Variants in DDX60L observed in about 807,000 individuals in gnomAD.
DDX60L encodes probable ATP-dependent RNA helicase DDX60-like.
Under a neutral mutation model 211.6 loss-of-function variants are expected in DDX60L, and 191 were observed. The observed-to-expected ratio is 0.90, with a 90% CI of 0.80 to 1.02. DDX60L has a LOEUF of 1.02. Ranked by LOEUF, DDX60L falls within the 50% of genes least tolerant of loss-of-function variation. DDX60L has a pLI of 0.00. For missense variants in DDX60L, 2,007 were observed against 1,984.1 expected (o/e 1.01, Z -0.22); for synonymous variants, 706 against 694.1 (o/e 1.02, Z -0.27).
intron 25 of DDX60L, among the ~76,000 whole-genome samples, chr4:168,403,404 T>A (rs1328961365): frequency 6.6e-6 from 1 of 152,232 alleles, no homozygotes; most frequent in South Asian, 2.1e-4. Flanking sequence ...TAAAATAATT[T>A]AAAATTCTCT....
chr4:168,388,120 T>A (rs942841319), intron 29 of DDX60L, among the ~76,000 whole-genome samples: 1 of 152,210 alleles, frequency 6.6e-6, no homozygotes, highest in African/African-American at 2.4e-5. Flanking sequence ...CTATTTGAGA[T>A]ACAAATTCCT....
chr4:168,431,434 T>C (rs1445404112), intron 12 of DDX60L, among the ~76,000 whole-genome samples: 1 of 152,092 alleles, frequency 6.6e-6, no homozygotes, highest in Non-Finnish European at 1.5e-5. Flanking sequence ...AGCTTATTCC[T>C]ATATGCAATT....
chr4:168,455,448 C>A (rs1756421579), intron 7 of DDX60L, among the ~76,000 whole-genome samples: 1 of 152,100 alleles, frequency 6.6e-6, no homozygotes, highest in South Asian at 2.1e-4. Flanking sequence ...CAGAACTGTT[C>A]TTTTAAATAC....
rs777026996 is a variant in DDX60L, at chr4:168,472,768, T to C, written c.-69A>G. ...ATTTATTAAATATGGCTGATTTATT[T>C]TGACACCTCTAAAATGGCTACATTT... is the stretch of plus-strand genomic sequence containing the variant. On this transcript the variant is annotated 5_prime_UTR_variant, in exon 2 of 38. Transcript: ENST00000682922. 2.6e-6 allele frequency: 4 copies of C among 1,556,906 alleles called. No individual in the cohort carries two copies. Among genetic ancestry groups the C allele is most frequent in the South Asian group, 1.1e-5 (1 of 87,024 alleles).
chr4:168,369,741 T>C (rs1325994456), intron 36 of DDX60L, among the ~76,000 whole-genome samples: 1 of 152,034 alleles, frequency 6.6e-6, no homozygotes, highest in African/African-American at 2.4e-5. Flanking sequence ...AAAAAATCTA[T>C]TTAAAAATGG....
intron 22 of DDX60L, among the ~76,000 whole-genome samples, chr4:168,411,669 A>G (rs1748695200): frequency 6.6e-6 from 1 of 152,126 alleles, no homozygotes; most frequent in Admixed American, 6.5e-5. Context: ...CCTAGGCCAC[A>G]AGGACTACAA....
chr4:168,358,101 A>C lies in DDX60L; in HGVS notation c.*46T>G, dbSNP rs1272306988. On this transcript the variant is annotated 3_prime_UTR_variant, in exon 38 of 38. Coordinates refer to ENST00000682922, the MANE Select transcript of DDX60L (RefSeq NM_001012967.3). ...TAAGCTTAATTATATCTCTCCTTGC[A>C]AAGGGATAAATACCACATAATCAGA... The C allele has an allele frequency of 3.9e-6, 6 of 1,545,738 alleles. No homozygotes were observed. In the South Asian group the frequency reaches 7.0e-5, roughly 18 times the overall value.
chr4:168,426,501 G>C (rs1490212566), intron 14 of DDX60L, among the ~76,000 whole-genome samples: 12 of 152,208 alleles, frequency 7.9e-5, no homozygotes, highest in Non-Finnish European at 1.6e-4. Context: ...CTTTGCCCTG[G>C]AGGGAAATGT....
At chr4:168,388,821 A>G (rs1305359795) in intron 29 of DDX60L, among the ~76,000 whole-genome samples, 1 of 152,192 alleles carries the variant, frequency 6.6e-6, no homozygotes, top group Admixed American at 6.5e-5. Context: ...GGGGCAGGGC[A>G]ACAGGCTGGT....
Position 168,408,629 on chromosome 4 carries a change from T to C in DDX60L, c.2980-1923A>G, listed in dbSNP as rs145666908. 4.5e-4 allele frequency among the ~76,000 whole-genome samples: 68 copies of C among 152,018 alleles called. 1 individual carries two copies. The East Asian group carries it at 0.013, about 28-fold the overall frequency. On this transcript the variant is annotated intron_variant, in intron 22 of 37. Transcript: ENST00000682922. The stretch of plus-strand genomic sequence containing the variant: ...GCTCCTTTTGAAAAAAAAATTAAAA[T>C]GAACAAAAAATAAGTAAAAAAGTTA...
At chr4:168,376,533 C>A (rs1741971876) in intron 33 of DDX60L, among the ~76,000 whole-genome samples, 2 of 152,194 alleles carry the variant, frequency 1.3e-5, no homozygotes, top group African/African-American at 2.4e-5. Context: ...CTACCAACTC[C>A]TTACAGTGGA....
chr4:168,431,665 C>A (rs1331224364), intron 12 of DDX60L, among the ~76,000 whole-genome samples: 1 of 151,672 alleles, frequency 6.6e-6, no homozygotes, highest in Admixed American at 6.6e-5. Flanking sequence ...AACTAACCTG[C>A]ACATTGTGCA....
At chr4:168,466,903 A>C (rs1758063668) in intron 4 of DDX60L, among the ~76,000 whole-genome samples, 1 of 152,164 alleles carries the variant, frequency 6.6e-6, no homozygotes, top group Non-Finnish European at 1.5e-5. Context: ...AATTCACAAA[A>C]TGAGAGTGTA....
intron 22 of DDX60L, among the ~76,000 whole-genome samples, chr4:168,407,013 T>G (rs1173880750): frequency 6.6e-6 from 1 of 152,202 alleles, no homozygotes; most frequent in Non-Finnish European, 1.5e-5. Flanking sequence ...AGAATGCCAG[T>G]GAGGGTACTG....
At position 168,404,070 on chromosome 4, in the gene DDX60L, A is replaced by G. The variant is rs771233460; in HGVS notation, c.3250T>C (p.Leu1084=). ...TTCACCATATCTTTTGAACTAGACAATGAATCCGGACTAAGGTTCTTCAGT... is the reference window on the plus strand; with the variant it reads ...TTCACCATATCTTTTGAACTAGACAGTGAATCCGGACTAAGGTTCTTCAGT... The part of the protein sequence containing the change: ...RVLKNLSPDS[L]SSSKDMVKMF... The change falls in exon 25 of 38, where the codon TTG becomes CTG. Residue 1084 remains leucine, a synonymous_variant. Transcript: ENST00000682922. 2.8e-5 allele frequency: 40 copies of G among 1,441,570 alleles called. No homozygotes were observed. Among genetic ancestry groups the G allele is most frequent in the African/African-American group, 1.4e-5 (1 of 69,376 alleles). The allele number at this position is 1,441,570 out of a possible 1,614,324, so 89.3% of individuals were successfully genotyped here.
chr4:168,406,732 G>T (rs1252679615), intron 22 of DDX60L, 26 bp from the exon 23 acceptor site: 1 of 1,403,962 alleles, frequency 7.1e-7, no homozygotes, highest in Non-Finnish European at 9.8e-7. Flanking sequence ...TTAATGGATG[G>T]ATGAAGAAAT....
At chr4:168,390,262 A>G (rs1210608066) in intron 29 of DDX60L, 2 of 1,083,284 alleles carry the variant, frequency 1.8e-6, no homozygotes, top group Non-Finnish European at 2.2e-6. Flanking sequence ...AGGAGACCAT[A>G]ATTCTGAAGG....
intron 4 of DDX60L, among the ~76,000 whole-genome samples, chr4:168,467,103 T>C (rs1006773578): frequency 2.0e-5 from 3 of 152,108 alleles, no homozygotes; most frequent in African/African-American, 7.2e-5. Flanking sequence ...AATCTGAAAA[T>C]GAATGAAAAA....
chr4:168,376,278 A>G (rs978516399), intron 33 of DDX60L, among the ~76,000 whole-genome samples: 2 of 152,172 alleles, frequency 1.3e-5, no homozygotes, highest in Admixed American at 1.3e-4. Context: ...GAGGTATTTT[A>G]TAAGGGTAAA....
Sources: allele counts gnomAD v4.1 joint callset (sites outside exome capture counted in the v4.1 genomes callset), GRCh38; gene constraint gnomAD v4.1.1; transcripts MANE v1.5; gene names NCBI Gene and HGNC (gene_info 2026-07-23, HGNC 2026-07-21).